WDR20: variants seen among roughly 807,000 people sequenced by gnomAD.
The protein encoded by WDR20 is WD repeat domain 20, also known as WD repeat-containing protein 20.
WDR20 carries 3 observed loss-of-function variants against 38.7 expected under a neutral mutation model. The ratio of observed to expected loss-of-function variants is 0.08; its 90% CI spans 0.04 to 0.20. The LOEUF is 0.20. Ranked by LOEUF, WDR20 falls within the 10% of genes least tolerant of loss-of-function variation. The probability of loss-of-function intolerance (pLI) is 1.00; values close to 1 mark genes in which losing one functional copy is unlikely to be tolerated. For synonymous variants in WDR20, 298 were observed against 285.6 expected (o/e 1.04, Z -0.44); for missense variants, 559 against 727.7 (o/e 0.77, Z 2.67).
At chr14:102,199,657 G>T (rs771521696) in intron 2 of WDR20, among the ~76,000 whole-genome samples, 1 of 152,096 alleles carries the variant, frequency 6.6e-6, no homozygotes, top group African/African-American at 2.4e-5. Context: ...AGTTACTCTG[G>T]CCTTTGCCTC....
chr14:102,176,916 T>G (rs531030657), intron 1 of WDR20, among the ~76,000 whole-genome samples: 1 of 152,108 alleles, frequency 6.6e-6, no homozygotes, highest in South Asian at 2.1e-4. Flanking sequence ...TATTATTATT[T>G]TTTTTAGTAG....
chr14:102,187,518 C>T (rs936742665), intron 1 of WDR20, among the ~76,000 whole-genome samples: 1 of 151,414 alleles, frequency 6.6e-6, no homozygotes, highest in Non-Finnish European at 1.5e-5. Flanking sequence ...GTCAGAAGCA[C>T]AGGCAGCAGC....
At chr14:102,162,583 C>CTT (rs1486179894) in intron 1 of WDR20, among the ~76,000 whole-genome samples, 1 of 149,970 alleles carries the variant, frequency 6.7e-6, no homozygotes, top group African/African-American at 2.4e-5. Flanking sequence ...TTCTCTCTCT[C>CTT]TCTTTCTTTC....
chr14:102,222,923 C>T lies in WDR20; in HGVS notation c.*40C>T, dbSNP rs530825924. 1 of 1,612,636 alleles carries T rather than the reference C, an allele frequency of 6.2e-7. No homozygotes were observed. Among genetic ancestry groups the T allele is most frequent in the Admixed American group, 1.7e-5 (1 of 59,968 alleles). ...CGCGCACAGTCTCCCGGGACTTGGA[C>T]TCGAGGGAGTGACGAGGAGGAGCTC... On this transcript the variant is annotated 3_prime_UTR_variant, in exon 4 of 4. Transcript: ENST00000335263. The surrounding 1 kb of genome is among the most constrained non-coding windows in gnomAD (Gnocchi z 4.4).
intron 1 of WDR20, among the ~76,000 whole-genome samples, chr14:102,147,519 G>C (rs1360271271): frequency 6.6e-6 from 1 of 152,218 alleles, no homozygotes; most frequent in African/African-American, 2.4e-5. Flanking sequence ...CCAGATATGA[G>C]GTACTGTTTT....
intron 1 of WDR20, among the ~76,000 whole-genome samples, chr14:102,169,108 C>A (rs537768859): frequency 7.9e-4 from 120 of 152,306 alleles, no homozygotes; most frequent in Non-Finnish European, 1.3e-3. Flanking sequence ...CCATCCATTG[C>A]ATTCCATGAA....
rs2063977551 is a variant in WDR20, at chr14:102,222,237, G to T, written c.1693-593G>T. Among the ~76,000 whole-genome samples the T allele has an allele frequency of 6.6e-6, 1 of 152,158 alleles. No homozygotes were observed. The highest frequency in any genetic ancestry group is 2.4e-5 in the African/African-American group (1 of 41,424). On this transcript the variant is annotated intron_variant, in intron 3 of 3. Transcript: ENST00000335263. This position sits in a 1 kb window ranked among gnomAD's most constrained non-coding sequence, Gnocchi z 4.4. ...CCTCACGGCAAGACTACTTTGTTCT[G>T]GGGCTCCCCCGACCTCGGCCTGGGC...
intron 1 of WDR20, among the ~76,000 whole-genome samples, chr14:102,194,021 T>C (rs1262310936): frequency 1.3e-5 from 2 of 152,214 alleles, no homozygotes; most frequent in African/African-American, 4.8e-5. Context: ...TTCACCCAAG[T>C]GAGAAATCAT....
At position 102,200,481 on chromosome 14, in the gene WDR20, G is replaced by T. The variant is rs996238786; in HGVS notation, c.432+5361G>T. Among the ~76,000 whole-genome samples, 889 of 95,054 alleles carry T rather than the reference G, an allele frequency of 9.4e-3. 14 individuals carry two copies. The highest frequency in any genetic ancestry group is 0.05 in the African/African-American group (824 of 16,458). 62.4% of individuals were successfully genotyped at this position (95,054 alleles called of 152,430 possible). ...AATTTTTTTTTTTGTGTGTGTGTGT[G>T]TGTGTGTGTGTGTGTGTGTGTGTGT... On this transcript the variant is annotated intron_variant, in intron 2 of 2. Transcript: ENST00000342702.
intron 1 of WDR20, among the ~76,000 whole-genome samples, chr14:102,149,243 C>G (rs2054856748): frequency 6.6e-6 from 1 of 152,064 alleles, no homozygotes; most frequent in South Asian, 2.1e-4. Context: ...GTTGCCTAGT[C>G]TGACCTTGAA....
intron 1 of WDR20, among the ~76,000 whole-genome samples, chr14:102,176,778 G>A (rs939709759): frequency 6.6e-6 from 1 of 151,824 alleles, no homozygotes; most frequent in Non-Finnish European, 1.5e-5. Context: ...CTGTCTCCCA[G>A]GCTGGAGTGC....
chr14:102,150,598 T>A (rs763487863), intron 1 of WDR20, among the ~76,000 whole-genome samples: 2 of 152,244 alleles, frequency 1.3e-5, no homozygotes, highest in Non-Finnish European at 2.9e-5. Context: ...ACCCTTTTAC[T>A]ACCCTTTTTT....
At chr14:102,186,659 G>GT (rs1045398067) in intron 1 of WDR20, among the ~76,000 whole-genome samples, 2 of 152,042 alleles carry the variant, frequency 1.3e-5, no homozygotes, top group African/African-American at 4.8e-5. Context: ...TAGGTTAAAA[G>GT]TTCCACCAAG....
chr14:102,158,545 C>T (rs2057961131), intron 1 of WDR20, among the ~76,000 whole-genome samples: 1 of 152,120 alleles, frequency 6.6e-6, no homozygotes, highest in African/African-American at 2.4e-5. Flanking sequence ...ATCCGCCCAC[C>T]TTGGCCTCCC....
intron 1 of WDR20, chr14:102,193,563 C>T: frequency 1.6e-5 from 25 of 1,583,832 alleles, no homozygotes; most frequent in South Asian, 2.3e-5. Context: ...TTCCTTTGCC[C>T]TGGGGCTCCC....
chr14:102,139,601 T>A (rs2050204930), upstream of WDR20: 3 of 674,486 alleles, frequency 4.4e-6, no homozygotes, highest in Non-Finnish European at 2.5e-6. Flanking sequence ...CCGCTGGCCC[T>A]GGCGGCTGCG....
At chr14:102,161,142 A>ATATATATATATATATATATATT (rs1342924049) in intron 1 of WDR20, among the ~76,000 whole-genome samples, 1 of 16,050 alleles carries the variant, frequency 6.2e-5, no homozygotes. Context: ...ATATATATAT[A>ATATATATATATATATATATATT]TTTTTTTTTT....
intron 1 of WDR20, among the ~76,000 whole-genome samples, chr14:102,158,115 C>T (rs1401873061): frequency 1.3e-5 from 2 of 152,144 alleles, no homozygotes; most frequent in African/African-American, 4.8e-5. Flanking sequence ...CGTATACACA[C>T]TCGATCCCAG....
chr14:102,172,546 C>T (rs2061088818), intron 1 of WDR20, among the ~76,000 whole-genome samples: 1 of 144,680 alleles, frequency 6.9e-6, no homozygotes, highest in African/African-American at 2.5e-5. Context: ...GCTGACCCCC[C>T]ACCTCCCTCC....
Sources: gnomAD v4.1 joint callset for allele counts (sites outside exome capture counted in the v4.1 genomes callset) on GRCh38, gnomAD v4.1.1 for gene constraint, Gnocchi (gnomAD v3.1) non-coding constraint, MANE v1.5 for transcripts, NCBI Gene and HGNC (gene_info 2026-07-23, HGNC 2026-07-21) for gene names.